Variants in GRK4 observed in about 807,000 individuals in gnomAD.
The protein encoded by GRK4 is G protein-coupled receptor kinase 2-like.
In GRK4, 73 loss-of-function variants were observed where a neutral mutation model predicts 77.9. The ratio of observed to expected loss-of-function variants is 0.94; its 90% CI spans 0.78 to 1.14. The LOEUF is 1.14. Ranked by LOEUF, GRK4 falls within the 50% of genes most tolerant of loss-of-function variation. GRK4 has a pLI of 0.00. For missense variants in GRK4, 729 were observed against 700.2 expected (o/e 1.04, Z -0.46); for synonymous variants, 257 against 254.4 (o/e 1.01, Z -0.10).
intron 12 of GRK4, among the ~76,000 whole-genome samples, chr4:3,034,435 A>C (rs1203514171): frequency 3.3e-5 from 5 of 152,234 alleles, no homozygotes; most frequent in African/African-American, 1.2e-4. Flanking sequence ...TGGTGTCGAT[A>C]AAGCCTTGTT....
At chr4:2,991,560 G>T (rs1443020127) in intron 3 of GRK4, among the ~76,000 whole-genome samples, 1 of 152,172 alleles carries the variant, frequency 6.6e-6, no homozygotes, top group Non-Finnish European at 1.5e-5. Context: ...GCCCAGGCTG[G>T]AGTGTAGTAG....
intron 4 of GRK4, among the ~76,000 whole-genome samples, chr4:3,001,089 A>ATATATATATATATATATATGTG: frequency 2.4e-5 from 2 of 82,426 alleles, no homozygotes; most frequent in African/African-American, 1.2e-4. Flanking sequence ...ATATATATAT[A>ATATATATATATATATATATGTG]TGTGTGTGTG....
intron 2 of GRK4, among the ~76,000 whole-genome samples, chr4:2,985,317 C>G (rs1007335459): frequency 6.0e-5 from 9 of 150,574 alleles, no homozygotes; most frequent in Admixed American, 6.0e-4. Context: ...AGGAGAATGA[C>G]GTGAAACCGG....
At chr4:2,968,679 G>A (rs1718511514) in intron 1 of GRK4, among the ~76,000 whole-genome samples, 2 of 152,096 alleles carry the variant, frequency 1.3e-5, no homozygotes, top group African/African-American at 2.4e-5. Flanking sequence ...TAAATAAGAC[G>A]TGTGGCATAT....
chr4:2,987,429 TA>T (rs1378743398), intron 2 of GRK4, among the ~76,000 whole-genome samples: 1 of 152,192 alleles, frequency 6.6e-6, no homozygotes, highest in East Asian at 1.9e-4. Flanking sequence ...AAAATGATGA[TA>T]AAATATACAT....
intron 4 of GRK4, among the ~76,000 whole-genome samples, chr4:2,996,174 C>G (rs1416884555): frequency 6.6e-6 from 1 of 152,034 alleles, no homozygotes; most frequent in East Asian, 1.9e-4. Flanking sequence ...GCACACATGT[C>G]TGAGCATGTG....
intron 1 of GRK4, among the ~76,000 whole-genome samples, chr4:2,980,223 G>A (rs985385667): frequency 6.6e-6 from 1 of 152,158 alleles, no homozygotes; most frequent in African/African-American, 2.4e-5. Context: ...TTCACAGTAT[G>A]GAAGGATGAC....
chr4:3,016,383 T>C (rs575851523), intron 8 of GRK4, among the ~76,000 whole-genome samples: 1 of 151,676 alleles, frequency 6.6e-6, no homozygotes, highest in African/African-American at 2.4e-5. Context: ...GGGTGTGTGG[T>C]GGCGAGCACC....
At chr4:2,968,785 AG>A (rs565004451) in intron 1 of GRK4, among the ~76,000 whole-genome samples, 354 of 152,310 alleles carry the variant, frequency 2.3e-3, no homozygotes, top group Middle Eastern at 3.4e-3. Context: ...AGTTTTAGAC[AG>A]GGGGCTGCTG....
Position 3,037,409 on chromosome 4 carries a change from C to G in GRK4, c.1443C>G (p.Ile481Met). 6.2e-7 allele frequency: 1 copy of G among 1,609,206 alleles called. No homozygotes were observed. The highest frequency in any genetic ancestry group is 8.5e-7 in the Non-Finnish European group (1 of 1,176,108). The change falls in exon 14 of 16, where the codon ATC (isoleucine) becomes ATG (methionine). Residue 481 changes from isoleucine (I) to methionine (M), a missense_variant. By Grantham distance (10) the Ile-to-Met change is conservative. Transcript: ENST00000398052. ...TTTACTGTAAGGACGTCCTGGATAT[C>G]GAGCAGTTCTCGGTGGTGAAAGGGA... ...HAVYCKDVLD[I>M]EQFSVVKGIY... is the part of the protein sequence containing the mutation.
At chr4:3,006,774 A>T (rs981847157) in intron 5 of GRK4, among the ~76,000 whole-genome samples, 2 of 152,118 alleles carry the variant, frequency 1.3e-5, no homozygotes, top group Non-Finnish European at 2.9e-5. Flanking sequence ...CCAAAAAAAA[A>T]GAAAAGAGAT....
Position 3,031,486 on chromosome 4 carries a change from C to T in GRK4, c.1269+2077C>T, listed in dbSNP as rs1053321314. ...CTCAGAGCCAGCAGGGAGCTGCACT[C>T]GCCCAGCTCTGGTTTGTCCAGCAGC... On this transcript the variant is annotated intron_variant, in intron 12 of 15. Coordinates refer to ENST00000398052, the MANE Select transcript of GRK4 (RefSeq NM_182982.3). Among the ~76,000 whole-genome samples the T allele has an allele frequency of 3.3e-5, 5 of 152,174 alleles. No homozygotes were observed. The East Asian group carries it at 5.8e-4, about 18-fold the overall frequency.
chr4:2,989,123 G>A (rs1422013596), intron 3 of GRK4, among the ~76,000 whole-genome samples: 1 of 152,090 alleles, frequency 6.6e-6, no homozygotes, highest in East Asian at 1.9e-4. Flanking sequence ...GGAGGTTGCA[G>A]TGAGCCGAGA....
chr4:3,005,150 C>A (rs1016792264), intron 5 of GRK4, among the ~76,000 whole-genome samples: 2 of 151,904 alleles, frequency 1.3e-5, no homozygotes, highest in African/African-American at 4.8e-5. Context: ...AATTCAGTTT[C>A]TTTACATATG....
At chr4:3,006,765 CA>C (rs932465398) in intron 5 of GRK4, among the ~76,000 whole-genome samples, 2 of 149,714 alleles carry the variant, frequency 1.3e-5, no homozygotes, top group Non-Finnish European at 3.0e-5. Context: ...AGAGCCAGAC[CA>C]AAAAAAAAGA....
chr4:2,995,812 A>T lies in GRK4; in HGVS notation c.339+3520A>T, dbSNP rs899020391. Among the ~76,000 whole-genome samples the T allele has an allele frequency of 1.6e-4, 24 of 152,210 alleles. 1 individual carries two copies. Among genetic ancestry groups the T allele is most frequent in the African/African-American group, 5.8e-4 (24 of 41,448 alleles). On this transcript the variant is annotated intron_variant, in intron 4 of 15. Coordinates refer to ENST00000398052, the MANE Select transcript of GRK4 (RefSeq NM_182982.3). ...GGCAAAGGGAACAAGGAGTGAGCTG[A>T]TACAATGTTGTTTGACCCGAATTCT...
At chr4:3,018,087 T>C (rs75476017) in intron 8 of GRK4, among the ~76,000 whole-genome samples, 1 of 151,368 alleles carries the variant, frequency 6.6e-6, no homozygotes, top group Admixed American at 6.6e-5. Context: ...TTTTTTTTTT[T>C]TAGATAGAGA....
At chr4:3,018,051 ATTTTCT>A (rs142601837) in intron 8 of GRK4, among the ~76,000 whole-genome samples, 6,159 of 150,010 alleles carry the variant, frequency 0.041, 173 homozygotes, top group African/African-American at 0.08. Context: ...AGCCCTCATC[ATTTTCT>A]TTTTCTTTTT....
chr4:3,009,526 C>T (rs55796435), intron 6 of GRK4, 122 bp from the exon 7 acceptor site: 20,745 of 664,014 alleles, frequency 0.031, 475 homozygotes, highest in South Asian at 0.048. Flanking sequence ...CCCTTTGTCC[C>T]GGGCATCCCC....
Sources: allele counts gnomAD v4.1 joint callset (sites outside exome capture counted in the v4.1 genomes callset), GRCh38; gene constraint gnomAD v4.1.1; transcripts MANE v1.5; gene names NCBI Gene and HGNC (gene_info 2026-07-23, HGNC 2026-07-21).